The following ZNF721 variants were observed in gnomAD, a reference collection of about 807,000 sequenced individuals.
The protein encoded by ZNF721 is zinc finger protein 721.
In ZNF721, 2 loss-of-function variants were observed where a neutral mutation model predicts 2.4. The ratio of observed to expected loss-of-function variants is 0.82; its 90% CI spans 0.34 to 2.58. The LOEUF (loss-of-function observed/expected upper bound fraction) is 2.58. Among genes scored for constraint, ZNF721 ranks in the 30% most tolerant of loss-of-function variants. The pLI is 0.11. For missense variants in ZNF721, 1,187 were observed against 1,085.5 expected (o/e 1.09, Z -1.31); for synonymous variants, 398 against 381.8 (o/e 1.04, Z -0.50).
At chr4:465,221 A>G (rs1371575660) in intron 2 of ZNF721, among the ~76,000 whole-genome samples, 1 of 152,128 alleles carries the variant, frequency 6.6e-6, no homozygotes, top group Non-Finnish European at 1.5e-5. Flanking sequence ...TGTCTCTACA[A>G]AAAAATACCA....
chr4:461,772 C>G (rs1715079384), intron 2 of ZNF721, among the ~76,000 whole-genome samples: 1 of 152,150 alleles, frequency 6.6e-6, no homozygotes, highest in South Asian at 2.1e-4. Context: ...ACTCGGGAGG[C>G]TGAGGCAGGA....
intron 1 of ZNF721, among the ~76,000 whole-genome samples, chr4:475,875 G>T (rs1715612469): frequency 6.6e-6 from 1 of 151,516 alleles, no homozygotes; most frequent in South Asian, 2.1e-4. Context: ...TAAGCCCCTT[G>T]TTCTCCCGTT....
At chr4:446,367 A>G (rs1553864145) in intron 2 of ZNF721, among the ~76,000 whole-genome samples, 1 of 151,264 alleles carries the variant, frequency 6.6e-6, no homozygotes, top group Non-Finnish European at 1.5e-5. Flanking sequence ...GGACAGATGT[A>G]ATGAGGAAGT....
In ZNF721 at chr4:488,431, T is replaced by G. The variant is rs1274708169; in HGVS notation, c.-94+10625A>C. ...AAACAAGAAGTTTGCCTTTAATCTATTCCCTCCACATCTAAACTCTGGAGG... is the reference window on the plus strand; with the variant it reads ...AAACAAGAAGTTTGCCTTTAATCTAGTCCCTCCACATCTAAACTCTGGAGG... On this transcript the variant is annotated intron_variant, in intron 1 of 2. Transcript: ENST00000511833. Among the ~76,000 whole-genome samples the G allele has an allele frequency of 3.9e-5, 6 of 152,266 alleles. No homozygotes were observed. The East Asian group carries it at 1.2e-3, about 29-fold the overall frequency.
chr4:440,507 A>G lies in ZNF721; in HGVS notation c.*1188T>C, dbSNP rs1714196433. On this transcript the variant is annotated 3_prime_UTR_variant, in exon 3 of 3. Transcript: ENST00000511833. ...AACAGGTTCAACTTTTGTTATACTT[A>G]ATACTCTGATTTATTTTAAAGTCTG... 1 of 152,204 alleles carries G rather than the reference A, an allele frequency of 6.6e-6. No individual in the cohort carries two copies. The allele number at this position is 152,204 out of a possible 1,614,324, so 9.4% of individuals were successfully genotyped here.
At chr4:471,717 T>C (rs1024649452) in intron 2 of ZNF721, among the ~76,000 whole-genome samples, 9 of 152,170 alleles carry the variant, frequency 5.9e-5, no homozygotes, top group African/African-American at 1.9e-4. Flanking sequence ...TGCTTACAAT[T>C]TGCTAGGACA....
At chr4:450,819 C>T (rs1244799792) in intron 2 of ZNF721, among the ~76,000 whole-genome samples, 1 of 150,706 alleles carries the variant, frequency 6.6e-6, no homozygotes, top group Non-Finnish European at 1.5e-5. Flanking sequence ...TGCCTGTAGT[C>T]CCAACTACTA....
intron 2 of ZNF721, among the ~76,000 whole-genome samples, chr4:452,073 T>C (rs782278548): frequency 6.6e-6 from 1 of 152,082 alleles, no homozygotes; most frequent in Non-Finnish European, 1.5e-5. Flanking sequence ...ACACGAGAAA[T>C]GTAAGCTGGA....
chr4:486,156 TTTTC>T (rs1203333911), intron 1 of ZNF721, among the ~76,000 whole-genome samples: 2 of 94,406 alleles, frequency 2.1e-5, no homozygotes, highest in Non-Finnish European at 5.4e-5. Context: ...TTTCTTTTTT[TTTTC>T]TTTTCTTTTT....
At chr4:465,439 T>G (rs1490373568) in intron 2 of ZNF721, among the ~76,000 whole-genome samples, 8 of 151,428 alleles carry the variant, frequency 5.3e-5, no homozygotes, top group African/African-American at 7.3e-5. Context: ...TTTTTTGTTT[T>G]TTTTTTTTTT....
intron 1 of ZNF721, among the ~76,000 whole-genome samples, chr4:490,327 T>C (rs1477108894): frequency 2.6e-5 from 4 of 151,790 alleles, no homozygotes; most frequent in African/African-American, 9.7e-5. Context: ...ATACAAACAA[T>C]TAGCCAGGTG....
rs188626834 is a variant in ZNF721, at chr4:450,868, C to T, written c.35-6436G>A. Among the ~76,000 whole-genome samples the T allele has an allele frequency of 6.5e-3, 920 of 142,366 alleles. 8 individuals carry two copies. Among genetic ancestry groups the T allele is most frequent in the Middle Eastern group, 0.032 (8 of 252 alleles). The allele number at this position is 142,366 out of a possible 152,430, so 93.4% of individuals were successfully genotyped here. On this transcript the variant is annotated intron_variant, in intron 2 of 2. Coordinates refer to ENST00000511833, the MANE Select transcript of ZNF721 (RefSeq NM_133474.4). ...AGGAGAATGGCGTGAACCCAGGAGG[C>T]GGAGCTTGCAGTGAGCCGAGATTGC...
At chr4:497,633 A>G (rs1338457801) in intron 1 of ZNF721, among the ~76,000 whole-genome samples, 1 of 151,758 alleles carries the variant, frequency 6.6e-6, no homozygotes, top group Non-Finnish European at 1.5e-5. Context: ...TCACGCCTGT[A>G]ATCCCAGCTC....
At chr4:493,678 C>T (rs1716080209) in intron 1 of ZNF721, among the ~76,000 whole-genome samples, 1 of 75,336 alleles carries the variant, frequency 1.3e-5, no homozygotes, top group African/African-American at 4.6e-5. Context: ...GATTCCATCC[C>T]CCCCGCAAAA....
At chr4:480,827 G>T (rs952040059) in intron 1 of ZNF721, among the ~76,000 whole-genome samples, 6 of 144,798 alleles carry the variant, frequency 4.1e-5, no homozygotes, top group Admixed American at 6.8e-5. Context: ...CTTTTGTGGG[G>T]GGGGGGGGAA....
intron 1 of ZNF721, among the ~76,000 whole-genome samples, 166 bp from the exon 2 acceptor site, chr4:472,867 G>A (rs1308209239): frequency 6.6e-6 from 1 of 151,948 alleles, no homozygotes; most frequent in Non-Finnish European, 1.5e-5. Flanking sequence ...AAAAAGGAAG[G>A]CATTCCAACA....
chr4:477,681 CT>C (rs1715667732), intron 1 of ZNF721, among the ~76,000 whole-genome samples: 1 of 151,984 alleles, frequency 6.6e-6, no homozygotes, highest in African/African-American at 2.4e-5. Flanking sequence ...AAAAGAGCCC[CT>C]GGGGAAAGAA....
chr4:448,442 C>CA (rs35367332), intron 2 of ZNF721, among the ~76,000 whole-genome samples: 1,555 of 123,036 alleles, frequency 0.013, 12 homozygotes, highest in Middle Eastern at 0.091. Context: ...TATCCCCCCC[C>CA]AAAAAAAAAA....
chr4:448,745 G>C (rs1714558783), intron 2 of ZNF721, among the ~76,000 whole-genome samples: 1 of 152,154 alleles, frequency 6.6e-6, no homozygotes. Flanking sequence ...AAGCTGAACA[G>C]CTAGATTAAT....
Sources: allele counts gnomAD v4.1 joint callset (sites outside exome capture counted in the v4.1 genomes callset), GRCh38; gene constraint gnomAD v4.1.1; transcripts MANE v1.5; gene names NCBI Gene and HGNC (gene_info 2026-07-23, HGNC 2026-07-21).